The following RASL12 variants were observed in gnomAD, a reference collection of about 807,000 sequenced individuals.
RASL12 encodes ras-like protein family member 12.
Under a neutral mutation model 22.9 loss-of-function variants are expected in RASL12, and 16 were observed. The ratio of observed to expected loss-of-function variants is 0.70; its 90% confidence interval spans 0.47 to 1.06. RASL12 has a LOEUF of 1.06. RASL12 is among the 50% of genes least tolerant of loss of function. The probability of loss-of-function intolerance (pLI) is 0.00; values close to 1 mark genes in which losing one functional copy is unlikely to be tolerated. For missense variants in RASL12, 306 were observed against 353.1 expected, an observed-to-expected ratio of 0.87 and a Z score of 1.07; for synonymous variants, 159 against 152.2, an observed-to-expected ratio of 1.04 and a Z score of -0.33.
At chr15:65,065,109 C>T in intron 2 of RASL12, 108 bp downstream of exon 2, 2 of 1,052,930 alleles carry the variant, frequency 1.9e-6, no homozygotes, top group Non-Finnish European at 1.4e-6. Flanking sequence ...CTTCTCCCTT[C>T]TGTCCCCAGA....
chr15:65,060,576 C>T (rs1454109005), intron 2 of RASL12, among the ~76,000 whole-genome samples: 1 of 152,228 alleles, frequency 6.6e-6, no homozygotes, highest in Non-Finnish European at 1.5e-5. Context: ...GACCTTGCGG[C>T]CATGTTGGCA....
In RASL12 at chr15:65,054,983, C is replaced by G. The variant is rs1441533553; in HGVS notation, c.717G>C (p.Lys239Asn). ...CCCGGGATGACTTCACGGTGACCAG[C>G]TTGGCCTGGGCCACAGTGGGCATCT... ...LKEMPTVAQA[K>N]LVTVKSSRAQ... The change falls in exon 5 of 5, where the codon AAG becomes AAC. Residue 239 changes from lysine to asparagine, a missense_variant. Lys to Asn is a moderately conservative substitution (Grantham distance 94). Coordinates refer to ENST00000220062, the MANE Select transcript of RASL12 (RefSeq NM_016563.4). The G allele has an allele frequency of 1.2e-6, 2 of 1,614,166 alleles. No homozygotes were observed. The highest frequency in any genetic ancestry group is 1.7e-4 in the Middle Eastern group (1 of 6,060).
intron 1 of RASL12, among the ~76,000 whole-genome samples, chr15:65,065,707 A>G (rs2241858): frequency 0.44 from 66,625 of 151,984 alleles, 15,015 homozygotes; most frequent in East Asian, 0.72. Context: ...AAACACAGGA[A>G]GAGCAGAGTT....
At chr15:65,065,375 G>A (rs1017357851) in intron 1 of RASL12, 102 bp from the exon 2 acceptor site, 11 of 1,061,390 alleles carry the variant, frequency 1.0e-5, no homozygotes, top group African/African-American at 1.6e-5. Flanking sequence ...ATCCCCGGCT[G>A]ACACCAAGCT....
rs1304738010 is a variant in RASL12 at position 65,055,217 on chromosome 15, G to A, written c.483C>T (p.Phe161=). The change falls in exon 5 of 5, where the codon TTC becomes TTT. Residue 161 remains phenylalanine, a synonymous_variant. Coordinates refer to ENST00000220062, the MANE Select transcript of RASL12 (RefSeq NM_016563.4). ...ALAGRFGCLF[F]EVSACLDFEH... is the part of the protein sequence containing the mutation. ...CAAAGTCCAGACAGGCAGAGACCTC[G>A]AAAAACAGGCACCCAAACCTGCCTG... 6.2e-6 allele frequency: 10 copies of A among 1,607,876 alleles called. No individual in the cohort carries two copies. In the East Asian group the frequency reaches 6.7e-5, roughly 11 times the overall value.
At chr15:65,068,119 G>A, upstream of RASL12, 1 of 1,031,844 alleles carries the variant, frequency 9.7e-7, no homozygotes, top group Non-Finnish European at 1.2e-6. This position sits in a 1 kb window ranked among gnomAD's most constrained non-coding sequence, Gnocchi z 4.2. Context: ...GAGCAGGGAG[G>A]GAGCTCCTGC....
At chr15:65,053,143 T>G (rs2086678101), downstream of RASL12, 1 of 1,614,092 alleles carries the variant, frequency 6.2e-7, no homozygotes, top group Non-Finnish European at 8.5e-7. Flanking sequence ...TCCTTCCGGA[T>G]GTACCAGAAA....
chr15:65,063,138 G>C (rs1050037607), intron 2 of RASL12, among the ~76,000 whole-genome samples: 1 of 151,988 alleles, frequency 6.6e-6, no homozygotes. Context: ...TCGATTGGAA[G>C]GCAGGGAGGA....
intron 1 of RASL12, among the ~76,000 whole-genome samples, chr15:65,067,426 A>C (rs1240330337): frequency 6.6e-6 from 1 of 152,030 alleles, no homozygotes; most frequent in Non-Finnish European, 1.5e-5. Context: ...CGAGACACAC[A>C]AGAGAGAGGG....
downstream of RASL12, chr15:65,052,963 C>T (rs776952059): frequency 3.1e-6 from 5 of 1,607,574 alleles, no homozygotes; most frequent in Non-Finnish European, 4.2e-6. Flanking sequence ...CCTGTCCCCC[C>T]AGAAAAGAAA....
chr15:65,068,077 GC>G, upstream of RASL12: 1 of 1,066,988 alleles, frequency 9.4e-7, no homozygotes, highest in South Asian at 4.5e-5. This position sits in a 1 kb window ranked among gnomAD's most constrained non-coding sequence, Gnocchi z 4.2. Context: ...GGGCTGCGGA[GC>G]CCCCCGCGGG....
In RASL12 at chr15:65,067,942, G is replaced by A; in HGVS notation, c.-107C>T. 8.1e-7 allele frequency: 1 copy of A among 1,235,196 alleles called. No homozygotes were observed. The highest frequency in any genetic ancestry group is 3.2e-5 in the South Asian group (1 of 31,272). 76.5% of individuals were successfully genotyped at this position (1,235,196 alleles called of 1,614,324 possible). On this transcript the variant is annotated 5_prime_UTR_variant, in exon 1 of 5. Coordinates refer to ENST00000220062, the MANE Select transcript of RASL12 (RefSeq NM_016563.4). ...GGATGCAGGCTTCCCTGGAGCGCGC[G>A]GCCCCGGACCCGTCGGCGTCCGCGC...
chr15:65,060,465 C>T (rs560124279), intron 2 of RASL12, among the ~76,000 whole-genome samples: 2 of 152,320 alleles, frequency 1.3e-5, no homozygotes, highest in Admixed American at 6.5e-5. Context: ...ATGAACCAAA[C>T]TAGTGACCTT....
In RASL12 at chr15:65,053,882, A is replaced by C; in HGVS notation, c.*1017T>G. The C allele has an allele frequency of 1.0e-6, 1 of 985,870 alleles. No homozygotes were observed. The highest frequency in any genetic ancestry group is 1.2e-6 in the Non-Finnish European group (1 of 829,948). The allele number at this position is 985,870 out of a possible 1,614,324, so 61.1% of individuals were successfully genotyped here. ...GTGTCTTGGTATAAGCTGCGGTGAC[A>C]CCACCAAATAACATAAGCAAAATTT... is the stretch of plus-strand genomic sequence containing the variant. On this transcript the variant is annotated 3_prime_UTR_variant, in exon 5 of 5. Transcript: ENST00000220062.
At chr15:65,065,116 C>T in intron 2 of RASL12, 101 bp downstream of exon 2, 1 of 1,121,662 alleles carries the variant, frequency 8.9e-7, no homozygotes, top group Non-Finnish European at 1.3e-6. Context: ...CTTCTGTCCC[C>T]AGACATGCAG....
chr15:65,055,312 A>C (rs1216411939), intron 4 of RASL12, 38 bp from the exon 5 acceptor site: 2 of 1,487,938 alleles, frequency 1.3e-6, no homozygotes, highest in Admixed American at 4.3e-5. Context: ...AGTTAGGAGC[A>C]GGCTGTGCCA....
chr15:65,056,356 C>T lies in RASL12; in HGVS notation c.426-1082G>A, dbSNP rs1047614653. ...CCCAGAGTGCCACTCCATGGTGAGG[C>T]ACGCGGTCTCAGAGAGAGTGAGTAA... On this transcript the variant is annotated intron_variant, in intron 4 of 4. Coordinates refer to ENST00000220062, the MANE Select transcript of RASL12 (RefSeq NM_016563.4). Among the ~76,000 whole-genome samples the T allele has an allele frequency of 3.3e-5, 5 of 152,102 alleles. No individual in the cohort carries two copies. The East Asian group carries it at 5.8e-4, about 18-fold the overall frequency.
upstream of RASL12, among the ~76,000 whole-genome samples, chr15:65,072,450 CCT>C (rs967680122): frequency 2.6e-5 from 4 of 152,154 alleles, no homozygotes; most frequent in Non-Finnish European, 4.4e-5. Context: ...GAGAAGTTCC[CCT>C]GCCTCTTCCC....
rs1354260614 is a variant in RASL12, at chr15:65,073,257, T to G, written c.70+3272A>C. Among the ~76,000 whole-genome samples the G allele has an allele frequency of 2.6e-5, 4 of 152,196 alleles. No homozygotes were observed. In the South Asian group the frequency reaches 8.3e-4, roughly 32 times the overall value. On this transcript the variant is annotated intron_variant, in intron 1 of 4. Transcript: ENST00000434605. ...TCAAGCGTATTACATTTATTGTGCA[T>G]TTTATTTCTATTATTATTATAACAT...
Sources: allele counts gnomAD v4.1 joint callset (sites outside exome capture counted in the v4.1 genomes callset), GRCh38; gene constraint gnomAD v4.1.1; non-coding constraint Gnocchi (gnomAD v3.1); transcripts MANE v1.5; gene names NCBI Gene and HGNC (gene_info 2026-07-23, HGNC 2026-07-21).